The following GTF2F2 variants were observed in gnomAD, a reference collection of about 807,000 sequenced individuals.
GTF2F2 encodes the protein ATP-dependent helicase GTF2F2.
GTF2F2 carries 23 observed loss-of-function variants against 42.2 expected under a neutral mutation model. That is an observed-to-expected ratio of 0.55 (90% CI 0.39 to 0.77). GTF2F2 has a LOEUF of 0.77. Ranked by LOEUF, GTF2F2 falls within the 30% of genes least tolerant of loss-of-function variation. The probability of loss-of-function intolerance (pLI) is 0.00; values close to 1 mark genes in which losing one functional copy is unlikely to be tolerated. For missense variants in GTF2F2, 261 were observed against 287.2 expected, an observed-to-expected ratio of 0.91 and a Z score of 0.66; for synonymous variants, 105 against 100.8, an observed-to-expected ratio of 1.04 and a Z score of -0.25.
chr13:45,257,346 T>C (rs1356516394), intron 6 of GTF2F2, among the ~76,000 whole-genome samples: 1 of 152,152 alleles, frequency 6.6e-6, no homozygotes, highest in Non-Finnish European at 1.5e-5. Flanking sequence ...ACCTTAAATC[T>C]TCATTGAGTG....
At chr13:45,180,437 C>A (rs7982740) in intron 4 of GTF2F2, among the ~76,000 whole-genome samples, 31,389 of 151,638 alleles carry the variant, frequency 0.21, 3,479 homozygotes, top group African/African-American at 0.23. Context: ...CATTTTTTTC[C>A]GTATGTGTGT....
intron 5 of GTF2F2, among the ~76,000 whole-genome samples, chr13:45,239,399 T>G (rs1875166173): frequency 6.6e-6 from 1 of 152,230 alleles, no homozygotes; most frequent in South Asian, 2.1e-4. Flanking sequence ...GGAATGCTGG[T>G]GATATACTCT....
rs964109818 is a variant in GTF2F2, at chr13:45,265,201, G to A, written c.487-2032G>A. ...TTGAACCCAGGAGGTGGAGGTTGTG[G>A]TGAGCCGAGATTGCACCACTGCACT... is the stretch of plus-strand genomic sequence containing the variant. On this transcript the variant is annotated intron_variant, in intron 6 of 7. Coordinates refer to ENST00000340473, the MANE Select transcript of GTF2F2 (RefSeq NM_004128.3). Among the ~76,000 whole-genome samples, 24 of 151,874 alleles carry A rather than the reference G, an allele frequency of 1.6e-4. No individual in the cohort carries two copies. In the South Asian group the frequency reaches 2.5e-3, roughly 16 times the overall value.
chr13:45,125,517 A>G (rs1346109827), intron 1 of GTF2F2, among the ~76,000 whole-genome samples: 1 of 151,974 alleles, frequency 6.6e-6, no homozygotes, highest in Non-Finnish European at 1.5e-5. Context: ...ACGGGGTTTC[A>G]CTGTGTTGGC....
In GTF2F2 at chr13:45,276,121, A is replaced by C. The variant is rs1422046413; in HGVS notation, c.631-7321A>C. On this transcript the variant is annotated intron_variant, in intron 7 of 7. Coordinates refer to ENST00000340473, the MANE Select transcript of GTF2F2 (RefSeq NM_004128.3). ...GTGTATGTTCAGTACAAATGCATTA[A>C]GAAAAGAATCAGAAGATTTTTGATC... Among the ~76,000 whole-genome samples, 5 of 152,374 alleles carry C rather than the reference A, an allele frequency of 3.3e-5. No homozygotes were observed. In the East Asian group the frequency reaches 9.6e-4, roughly 29 times the overall value.
At chr13:45,243,074 T>C (rs772690425) in intron 5 of GTF2F2, among the ~76,000 whole-genome samples, 2 of 152,346 alleles carry the variant, frequency 1.3e-5, no homozygotes, top group African/African-American at 2.4e-5. Context: ...AGTGTAATAA[T>C]GAAGTACAGT....
chr13:45,266,119 C>T (rs577622213), intron 6 of GTF2F2, among the ~76,000 whole-genome samples: 1 of 152,310 alleles, frequency 6.6e-6, no homozygotes, highest in East Asian at 1.9e-4. Flanking sequence ...AGTGCCACTG[C>T]TTTTTAAGCT....
At chr13:45,273,100 A>AT (rs1876872195) in intron 7 of GTF2F2, among the ~76,000 whole-genome samples, 1 of 150,426 alleles carries the variant, frequency 6.6e-6, no homozygotes, top group Non-Finnish European at 1.5e-5. Flanking sequence ...TAATTTTCGT[A>AT]TTTTTTTAGT....
At chr13:45,221,900 C>A (rs1167537282) in intron 5 of GTF2F2, among the ~76,000 whole-genome samples, 2 of 152,142 alleles carry the variant, frequency 1.3e-5, no homozygotes, top group African/African-American at 2.4e-5. Flanking sequence ...TCTCAGGGCC[C>A]TTCTTTCTGT....
intron 4 of GTF2F2, among the ~76,000 whole-genome samples, chr13:45,181,200 A>AAAAAAAACAAAAAAAC (rs766375703): frequency 2.3e-5 from 3 of 132,830 alleles, no homozygotes; most frequent in African/African-American, 5.7e-5. Flanking sequence ...AAAAAAAAAA[A>AAAAAAAACAAAAAAAC]AAACCAGAAA....
At chr13:45,184,396 C>A (rs529058766) in intron 4 of GTF2F2, among the ~76,000 whole-genome samples, 2 of 150,266 alleles carry the variant, frequency 1.3e-5, no homozygotes, top group East Asian at 4.0e-4. Flanking sequence ...TCCCCCCCGC[C>A]CTTTTTTTTT....
In GTF2F2 at chr13:45,267,331, A is replaced by G. The variant is rs1267333788; in HGVS notation, c.585A>G (p.Gln195=). Residue 195 remains glutamine, a synonymous_variant, in exon 7 of 8, where the codon CAA becomes CAG. Coordinates refer to ENST00000340473, the MANE Select transcript of GTF2F2 (RefSeq NM_004128.3). ...TATTTTCAGCCTTTGAGAAACATCA[A>G]TACTATAATCTTAAGGACTTGGTGG... The part of the protein sequence containing the change: ...DMLFSAFEKH[Q]YYNLKDLVDI... The G allele has an allele frequency of 1.9e-5, 30 of 1,610,764 alleles. No individual in the cohort carries two copies. Among genetic ancestry groups the G allele is most frequent in the Non-Finnish European group, 2.3e-5 (27 of 1,177,200 alleles).
At chr13:45,191,213 T>TAAAAA (rs1436641299) in intron 4 of GTF2F2, among the ~76,000 whole-genome samples, 2 of 36,848 alleles carry the variant, frequency 5.4e-5, no homozygotes, top group African/African-American at 3.9e-4. Context: ...CTACTAAAAA[T>TAAAAA]ACAAAAAAAA....
At chr13:45,257,098 C>T (rs187603452) in intron 6 of GTF2F2, among the ~76,000 whole-genome samples, 5 of 152,148 alleles carry the variant, frequency 3.3e-5, no homozygotes, top group African/African-American at 9.6e-5. Flanking sequence ...AAGAAAATAT[C>T]CAATTTTGTT....
At chr13:45,125,402 C>T (rs952357982) in intron 1 of GTF2F2, among the ~76,000 whole-genome samples, 2 of 152,130 alleles carry the variant, frequency 1.3e-5, no homozygotes, top group Middle Eastern at 3.2e-3. Flanking sequence ...TCACTGCAAC[C>T]TCCACCTTCC....
intron 5 of GTF2F2, among the ~76,000 whole-genome samples, chr13:45,228,492 G>T (rs920370989): frequency 6.7e-6 from 1 of 148,514 alleles, no homozygotes; most frequent in Non-Finnish European, 1.5e-5. Context: ...ACTTAGATTA[G>T]GCCCCCAGAA....
At chr13:45,138,050 T>C (rs1869724244) in intron 2 of GTF2F2, among the ~76,000 whole-genome samples, 1 of 152,182 alleles carries the variant, frequency 6.6e-6, no homozygotes, top group South Asian at 2.1e-4. Context: ...TCGGTGGAAT[T>C]TGACATAGTT....
At chr13:45,230,715 T>C (rs1874631589) in intron 5 of GTF2F2, among the ~76,000 whole-genome samples, 1 of 152,232 alleles carries the variant, frequency 6.6e-6, no homozygotes, top group Non-Finnish European at 1.5e-5. Context: ...GTCATGTAAT[T>C]ATAACTTTAC....
intron 4 of GTF2F2, among the ~76,000 whole-genome samples, chr13:45,178,784 G>C (rs1872007026): frequency 6.6e-6 from 1 of 152,092 alleles, no homozygotes; most frequent in Non-Finnish European, 1.5e-5. Context: ...CAACAATGAT[G>C]TCATATTTCC....
Sources: gnomAD v4.1 joint callset for allele counts (sites outside exome capture counted in the v4.1 genomes callset) on GRCh38, gnomAD v4.1.1 for gene constraint, MANE v1.5 for transcripts, NCBI Gene and HGNC (gene_info 2026-07-23, HGNC 2026-07-21) for gene names.